UBAP2: variants seen among roughly 807,000 people sequenced by gnomAD.
The protein encoded by UBAP2 is ubiquitin associated protein 2.
In UBAP2, 75 loss-of-function variants were observed where a neutral mutation model predicts 139.6. That is an observed-to-expected ratio of 0.54 (90% CI 0.45 to 0.65). UBAP2 has a LOEUF of 0.65. UBAP2 is among the 30% of genes least tolerant of loss of function. The pLI is 0.00. For missense variants in UBAP2, 1,368 were observed against 1,369.6 expected, an observed-to-expected ratio of 1.00 and a Z score of 0.02; for synonymous variants, 526 against 526.2, an observed-to-expected ratio of 1.00 and a Z score of 0.01.
In UBAP2 at chr9:33,934,777, G is replaced by A. The variant is rs79236462; in HGVS notation, c.1969+1062C>T. ...CTGCTTCCCAGATACTTTAGTTCTC[G>A]ACCCATGCCTAGACAAAAGAAACCT... On this transcript the variant is annotated intron_variant, in intron 17 of 28. Coordinates refer to ENST00000379238, the MANE Select transcript of UBAP2 (RefSeq NM_001370062.2). 3.1e-3 allele frequency among the ~76,000 whole-genome samples: 466 copies of A among 152,214 alleles called. 2 individuals carry two copies. Among genetic ancestry groups the A allele is most frequent in the African/African-American group, 0.01 (430 of 41,540 alleles).
chr9:33,938,594 C>G (rs553596565), intron 16 of UBAP2, among the ~76,000 whole-genome samples: 1 of 152,158 alleles, frequency 6.6e-6, no homozygotes, highest in South Asian at 2.1e-4. Context: ...GTCAGGAGTT[C>G]GAGACCAGCC....
chr9:33,954,630 A>T (rs1245058083), intron 11 of UBAP2, among the ~76,000 whole-genome samples: 1 of 152,212 alleles, frequency 6.6e-6, no homozygotes, highest in Non-Finnish European at 1.5e-5. Context: ...CATTCCTGAC[A>T]CATGGCAAAG....
chr9:34,033,918 T>C (rs968858435), intron 1 of UBAP2, among the ~76,000 whole-genome samples: 4 of 152,134 alleles, frequency 2.6e-5, no homozygotes, highest in Admixed American at 1.3e-4. Flanking sequence ...GCATTTTTAG[T>C]AGAGACGGGG....
intron 10 of UBAP2, among the ~76,000 whole-genome samples, chr9:33,959,810 C>T (rs1024358137): frequency 2.0e-5 from 3 of 152,088 alleles, no homozygotes; most frequent in African/African-American, 7.2e-5. Context: ...AATACAGACT[C>T]CCCTTTAATG....
chr9:33,954,577 A>T (rs139576686), intron 11 of UBAP2, among the ~76,000 whole-genome samples: 2 of 152,082 alleles, frequency 1.3e-5, no homozygotes, highest in Non-Finnish European at 2.9e-5. Flanking sequence ...TGACATTCTC[A>T]CCATGCCAAT....
chr9:33,957,568 C>T (rs1208898053), intron 10 of UBAP2, among the ~76,000 whole-genome samples: 4 of 152,216 alleles, frequency 2.6e-5, no homozygotes, highest in African/African-American at 9.7e-5. Flanking sequence ...TATATGCACA[C>T]TGTTTTAACT....
intron 2 of UBAP2, among the ~76,000 whole-genome samples, chr9:34,013,107 C>G (rs1823906124): frequency 7.6e-6 from 1 of 130,940 alleles, no homozygotes; most frequent in Non-Finnish European, 1.5e-5. Context: ...TAGCCGAGAT[C>G]AAGCCACTGC....
In UBAP2 at chr9:33,953,419, C is replaced by T; in HGVS notation, c.922G>A (p.Ala308Thr). Residue 308 changes from alanine (A) to threonine (T), a missense_variant, in exon 12 of 29, where the codon GCC (alanine) becomes ACC (threonine). Ala to Thr is a moderately conservative substitution (Grantham distance 58). Transcript: ENST00000379238. Reference sequence around the variant, plus strand: ...TGTTGGGAAGTTTCAAAGGAGTTGGCTTCTGAGGCTTGACTGTGAGGAACA... The same window carrying T: ...TGTTGGGAAGTTTCAAAGGAGTTGGTTTCTGAGGCTTGACTGTGAGGAACA... ...KPVPHSQASE[A>T]NSFETSQQQG... 1 of 1,614,134 alleles carries T rather than the reference C, an allele frequency of 6.2e-7. No individual in the cohort carries two copies. The highest frequency in any genetic ancestry group is 1.3e-5 in the African/African-American group (1 of 75,048).
chr9:33,983,939 C>G (rs1236176628), intron 6 of UBAP2, among the ~76,000 whole-genome samples: 1 of 151,398 alleles, frequency 6.6e-6, no homozygotes, highest in Non-Finnish European at 1.5e-5. Context: ...TGAGACAGAG[C>G]ATCACTCTGT....
intron 3 of UBAP2, chr9:33,998,091 A>G (rs1451453565): frequency 6.6e-6 from 1 of 152,228 alleles, no homozygotes; most frequent in Non-Finnish European, 1.5e-5. Context: ...CTTTTCCAAC[A>G]AGAGTATGAA....
intron 10 of UBAP2, among the ~76,000 whole-genome samples, chr9:33,958,946 C>T (rs934293769): frequency 6.6e-6 from 1 of 151,680 alleles, no homozygotes; most frequent in Non-Finnish European, 1.5e-5. Flanking sequence ...GTTAGGAATT[C>T]GAGACCAGCC....
At chr9:33,991,981 C>T (rs572902454) in intron 4 of UBAP2, among the ~76,000 whole-genome samples, 48 of 152,274 alleles carry the variant, frequency 3.2e-4, no homozygotes, top group African/African-American at 1.0e-3. Context: ...TGGCCAGGCA[C>T]GGTGGCTCAC....
chr9:33,989,408 A>G (rs997250375), intron 4 of UBAP2, among the ~76,000 whole-genome samples: 1 of 152,044 alleles, frequency 6.6e-6, no homozygotes, highest in African/African-American at 2.4e-5. Context: ...TCATCGTGTT[A>G]GCCATGATGG....
chr9:33,988,442 G>A (rs1460193772), intron 5 of UBAP2, among the ~76,000 whole-genome samples: 3 of 152,170 alleles, frequency 2.0e-5, no homozygotes, highest in African/African-American at 4.8e-5. Flanking sequence ...AGAAAACCTA[G>A]GTCTAATGGA....
chr9:33,944,065 C>T (rs765847958), intron 14 of UBAP2, among the ~76,000 whole-genome samples: 27 of 152,112 alleles, frequency 1.8e-4, no homozygotes, highest in Non-Finnish European at 1.6e-4. Flanking sequence ...AAAGTATCAC[C>T]TGGTCAAGGA....
At chr9:33,940,346 C>T (rs1016563303) in intron 16 of UBAP2, among the ~76,000 whole-genome samples, 1 of 152,122 alleles carries the variant, frequency 6.6e-6, no homozygotes, top group African/African-American at 2.4e-5. Context: ...TGGATTTACT[C>T]ATAGGATTAT....
chr9:33,981,480 T>C (rs563034721), intron 6 of UBAP2, among the ~76,000 whole-genome samples: 44 of 150,394 alleles, frequency 2.9e-4, no homozygotes, highest in African/African-American at 9.8e-4. Context: ...CTCAGCCTCC[T>C]GAGTTTCTGG....
intron 6 of UBAP2, among the ~76,000 whole-genome samples, chr9:33,980,850 G>C (rs892357927): frequency 1.3e-5 from 2 of 151,138 alleles, no homozygotes; most frequent in Non-Finnish European, 2.9e-5. Context: ...GGGACGCTGA[G>C]GTGGGAAGAT....
rs532299117 is a variant in UBAP2 at position 34,033,908 on chromosome 9, G to C, written c.-42+14917C>G. 1.3e-3 allele frequency among the ~76,000 whole-genome samples: 197 copies of C among 152,000 alleles called. 1 individual carries two copies. Among genetic ancestry groups the C allele is most frequent in the African/African-American group, 4.7e-3 (193 of 41,490 alleles). ...CCACCACCATGCCTGGCTAATTTTT[G>C]CATTTTTAGTAGAGACGGGGTTTCG... On this transcript the variant is annotated intron_variant, in intron 1 of 28. Coordinates refer to ENST00000379238, the MANE Select transcript of UBAP2 (RefSeq NM_001370062.2).
Sources: allele counts gnomAD v4.1 joint callset (sites outside exome capture counted in the v4.1 genomes callset), GRCh38; gene constraint gnomAD v4.1.1; transcripts MANE v1.5; gene names NCBI Gene and HGNC (gene_info 2026-07-23, HGNC 2026-07-21).